The following NRG2 variants were observed in gnomAD, a reference collection of about 807,000 sequenced individuals.
NRG2 encodes pro-neuregulin-2, membrane-bound isoform.
NRG2 carries 27 observed loss-of-function variants against 73.9 expected under a neutral mutation model. The ratio of observed to expected loss-of-function variants is 0.37; its 90% CI spans 0.27 to 0.50. The LOEUF is 0.50. Ranked by LOEUF, NRG2 falls within the 20% of genes least tolerant of loss-of-function variation. The pLI, the probability that NRG2 is intolerant of heterozygous loss-of-function variation, is 0.96. For synonymous variants in NRG2, 532 were observed against 541.0 expected, an observed-to-expected ratio of 0.98 and a Z score of 0.23; for missense variants, 1,126 against 1,210.1, an observed-to-expected ratio of 0.93 and a Z score of 1.03.
intron 1 of NRG2, among the ~76,000 whole-genome samples, chr5:140,016,653 G>A (rs1044938745): frequency 6.6e-6 from 1 of 152,226 alleles, no homozygotes; most frequent in African/African-American, 2.4e-5. Context: ...AAGTGATAGT[G>A]GCACTATGTG....
intron 1 of NRG2, among the ~76,000 whole-genome samples, chr5:139,977,549 C>T (rs988196374): frequency 3.3e-5 from 5 of 152,146 alleles, no homozygotes; most frequent in African/African-American, 1.2e-4. Context: ...ATGCCATCCC[C>T]ATCAAGCTAC....
chr5:139,983,444 G>C (rs1396986533), intron 1 of NRG2, among the ~76,000 whole-genome samples: 1 of 152,138 alleles, frequency 6.6e-6, no homozygotes, highest in Non-Finnish European at 1.5e-5. Context: ...CCTCTTCCAG[G>C]GCTTTTCCAG....
chr5:139,900,575 G>C (rs562098932), intron 1 of NRG2, among the ~76,000 whole-genome samples: 2 of 152,190 alleles, frequency 1.3e-5, no homozygotes, highest in Non-Finnish European at 2.9e-5. Context: ...GCAATGCTTT[G>C]CCAGAGGGTT....
chr5:139,949,189 C>T (rs1157361840), intron 1 of NRG2, among the ~76,000 whole-genome samples: 1 of 152,102 alleles, frequency 6.6e-6, no homozygotes, highest in African/African-American at 2.4e-5. Flanking sequence ...TGAGGAGCCC[C>T]CATCTTTCCT....
intron 1 of NRG2, among the ~76,000 whole-genome samples, chr5:139,956,149 C>G (rs1754610692): frequency 1.3e-5 from 2 of 152,176 alleles, no homozygotes; most frequent in African/African-American, 4.8e-5. Flanking sequence ...ACTCCCCCAC[C>G]CCATTCACAT....
chr5:139,978,075 A>G (rs1756512316), intron 1 of NRG2, among the ~76,000 whole-genome samples: 1 of 152,224 alleles, frequency 6.6e-6, no homozygotes, highest in Non-Finnish European at 1.5e-5. Flanking sequence ...AATGGCAACA[A>G]AAGCCAAAAT....
At chr5:140,032,704 T>C (rs1309998808) in intron 1 of NRG2, among the ~76,000 whole-genome samples, 2 of 152,292 alleles carry the variant, frequency 1.3e-5, no homozygotes, top group African/African-American at 4.8e-5. Flanking sequence ...AAAAGATAAT[T>C]AGCAATGTGT....
intron 2 of NRG2, among the ~76,000 whole-genome samples, chr5:139,886,920 C>A (rs998862426): frequency 6.6e-6 from 1 of 152,232 alleles, no homozygotes; most frequent in Non-Finnish European, 1.5e-5. Flanking sequence ...AGCTGAGAAA[C>A]CAGCCCATCA....
At chr5:139,891,155 G>A (rs1189263015) in intron 1 of NRG2, among the ~76,000 whole-genome samples, 5 of 152,180 alleles carry the variant, frequency 3.3e-5, no homozygotes, top group East Asian at 1.9e-4. Context: ...GCTGGTGGGA[G>A]GAAGCAGGGG....
At chr5:139,900,754 A>C (rs1039767509) in intron 1 of NRG2, among the ~76,000 whole-genome samples, 1 of 152,250 alleles carries the variant, frequency 6.6e-6, no homozygotes, top group African/African-American at 2.4e-5. Flanking sequence ...GGGCCTGCCC[A>C]GGCTGGGCCA....
chr5:139,978,446 C>T (rs926937742), intron 1 of NRG2, among the ~76,000 whole-genome samples: 2 of 152,166 alleles, frequency 1.3e-5, no homozygotes, highest in African/African-American at 4.8e-5. Context: ...CAGGAAACAA[C>T]AGGTGCTGGA....
At chr5:139,988,354 G>A (rs1453258719) in intron 1 of NRG2, among the ~76,000 whole-genome samples, 4 of 152,040 alleles carry the variant, frequency 2.6e-5, no homozygotes, top group African/African-American at 7.2e-5. Context: ...GCACACAGAT[G>A]TTCATATCAT....
chr5:139,994,302 A>G (rs1757868197), intron 1 of NRG2, among the ~76,000 whole-genome samples: 1 of 152,256 alleles, frequency 6.6e-6, no homozygotes, highest in South Asian at 2.1e-4. Flanking sequence ...CATGAATACA[A>G]GAGCAAACTC....
chr5:139,893,485 G>C (rs1426769004), intron 1 of NRG2, among the ~76,000 whole-genome samples: 1 of 152,202 alleles, frequency 6.6e-6, no homozygotes, highest in Non-Finnish European at 1.5e-5. Context: ...AGGGGAGAAA[G>C]TTCCCAGCAC....
intron 1 of NRG2, among the ~76,000 whole-genome samples, chr5:139,947,570 G>A (rs144695687): frequency 1.3e-4 from 20 of 152,246 alleles, no homozygotes; most frequent in Admixed American, 9.8e-4. Context: ...AAAGACATAC[G>A]TTTTCATTTC....
At chr5:139,980,029 C>G (rs984207911) in intron 1 of NRG2, among the ~76,000 whole-genome samples, 1 of 152,094 alleles carries the variant, frequency 6.6e-6, no homozygotes, top group Non-Finnish European at 1.5e-5. Flanking sequence ...AAAGCAAAAC[C>G]CTCAGGCCCA....
chr5:140,025,111 A>C (rs1008321469), intron 1 of NRG2, among the ~76,000 whole-genome samples: 11 of 152,138 alleles, frequency 7.2e-5, no homozygotes, highest in African/African-American at 2.4e-4. Flanking sequence ...AACGAAAAAA[A>C]CCCCTGACAA....
At chr5:140,006,688 AAG>A (rs1452031008) in intron 1 of NRG2, among the ~76,000 whole-genome samples, 1 of 152,192 alleles carries the variant, frequency 6.6e-6, no homozygotes, top group Admixed American at 6.5e-5. Flanking sequence ...GGTGGAAGAG[AAG>A]AGAGACATGC....
chr5:139,983,899 C>T (rs547334141), intron 1 of NRG2, among the ~76,000 whole-genome samples: 35 of 152,274 alleles, frequency 2.3e-4, no homozygotes, highest in African/African-American at 7.9e-4. Flanking sequence ...ATTTGTTTTC[C>T]TGGCATAGCA....
Sources: gnomAD v4.1 joint callset for allele counts (sites outside exome capture counted in the v4.1 genomes callset) on GRCh38, gnomAD v4.1.1 for gene constraint, MANE v1.5 for transcripts, NCBI Gene and HGNC (gene_info 2026-07-23, HGNC 2026-07-21) for gene names.